The following STK39 variants were observed in gnomAD, a reference collection of about 807,000 sequenced individuals.
STK39 encodes STE20/SPS1-related proline-alanine-rich protein kinase.
A neutral mutation model predicts 77.8 loss-of-function variants in STK39; 20 were observed. The observed-to-expected ratio is 0.26, with a 90% CI of 0.18 to 0.37. The LOEUF is 0.37. STK39 is among the 10% of genes least tolerant of loss of function. The pLI is 1.00. For missense variants in STK39, 479 were observed against 656.5 expected (o/e 0.73, Z 2.95); for synonymous variants, 246 against 234.1 (o/e 1.05, Z -0.47).
At chr2:168,089,090 C>T (rs1004054736) in intron 10 of STK39, among the ~76,000 whole-genome samples, 2 of 152,174 alleles carry the variant, frequency 1.3e-5, no homozygotes, top group Non-Finnish European at 2.9e-5. Flanking sequence ...CCAAGGGTAC[C>T]TCCCTGGGTG....
At chr2:168,065,452 G>A (rs1200743075) in intron 12 of STK39, 71 bp from the exon 13 acceptor site, 2 of 1,477,338 alleles carry the variant, frequency 1.4e-6, no homozygotes, top group Non-Finnish European at 1.9e-6. Context: ...GTTACATTAA[G>A]TCCCAATTAT....
intron 10 of STK39, among the ~76,000 whole-genome samples, chr2:168,122,093 C>T (rs747851928): frequency 2.0e-5 from 3 of 152,082 alleles, no homozygotes; most frequent in Admixed American, 6.5e-5. Flanking sequence ...AGGTAAATTA[C>T]GTGTTGTGGC....
chr2:168,006,281 A>C (rs955365064), intron 16 of STK39, among the ~76,000 whole-genome samples: 1 of 152,206 alleles, frequency 6.6e-6, no homozygotes, highest in Non-Finnish European at 1.5e-5. Context: ...AGCAGGCCAC[A>C]TAACTGCTTA....
intron 10 of STK39, among the ~76,000 whole-genome samples, chr2:168,094,230 A>T (rs563143570): frequency 6.6e-6 from 1 of 152,256 alleles, no homozygotes; most frequent in South Asian, 2.1e-4. Flanking sequence ...GCCAACTTTC[A>T]TTCTTCTCTT....
intron 10 of STK39, among the ~76,000 whole-genome samples, chr2:168,108,694 CTG>C (rs1177274204): frequency 6.6e-6 from 1 of 152,108 alleles, no homozygotes; most frequent in Non-Finnish European, 1.5e-5. Flanking sequence ...GGTAAGAAAT[CTG>C]TACTAAACTC....
intron 16 of STK39, among the ~76,000 whole-genome samples, chr2:167,971,176 T>G (rs1379055215): frequency 1.3e-5 from 2 of 152,086 alleles, no homozygotes; most frequent in Non-Finnish European, 2.9e-5. Context: ...TCTCTCAGAT[T>G]TTGGAGGTCC....
chr2:168,153,860 C>T (rs144409765), intron 5 of STK39, among the ~76,000 whole-genome samples: 136 of 152,224 alleles, frequency 8.9e-4, no homozygotes, highest in African/African-American at 2.9e-3. Context: ...TAAGGCCTCA[C>T]GAGCCACCTT....
chr2:167,985,754 T>C (rs981325091), intron 16 of STK39, among the ~76,000 whole-genome samples: 2 of 152,124 alleles, frequency 1.3e-5, no homozygotes, highest in Non-Finnish European at 2.9e-5. Flanking sequence ...TAAATATTAA[T>C]TTGCATGCAT....
chr2:167,968,217 T>G (rs769198970), intron 16 of STK39, among the ~76,000 whole-genome samples: 1 of 152,228 alleles, frequency 6.6e-6, no homozygotes, highest in African/African-American at 2.4e-5. Flanking sequence ...TGATTCGATA[T>G]CTTTGCTATT....
At chr2:168,058,247 T>C (rs75810572) in intron 14 of STK39, among the ~76,000 whole-genome samples, 2,896 of 152,340 alleles carry the variant, frequency 0.019, 96 homozygotes, top group African/African-American at 0.065. Flanking sequence ...ATTTTGCAAA[T>C]ATACTTGACC....
At chr2:167,959,499 A>C (rs768628134) in intron 17 of STK39, among the ~76,000 whole-genome samples, 9 of 152,072 alleles carry the variant, frequency 5.9e-5, no homozygotes, top group Non-Finnish European at 1.0e-4. Context: ...CAAATATCCG[A>C]GTCTGAAAAA....
chr2:168,092,217 T>C (rs907905215), intron 10 of STK39, among the ~76,000 whole-genome samples: 1 of 152,186 alleles, frequency 6.6e-6, no homozygotes, highest in African/African-American at 2.4e-5. Context: ...TTCACAGGGA[T>C]CAGACACCTG....
Position 168,214,253 on chromosome 2 carries a change from C to A in STK39, c.209-32163G>T, listed in dbSNP as rs201646662. 1.8e-3 allele frequency among the ~76,000 whole-genome samples: 123 copies of A among 69,106 alleles called. 2 individuals are homozygous for A. The East Asian group carries it at 0.053, about 30-fold the overall frequency. The allele number at this position is 69,106 out of a possible 152,430, so 45.3% of individuals were successfully genotyped here. On this transcript the variant is annotated intron_variant, in intron 1 of 17. Coordinates refer to ENST00000355999, the MANE Select transcript of STK39 (RefSeq NM_013233.3). Reference sequence around the variant, plus strand: ...AAGATGTCAAAAATAACAACAACAACAACAAAAAAAAAACACAAGGTCCAC... The same window carrying A: ...AAGATGTCAAAAATAACAACAACAAAAACAAAAAAAAAACACAAGGTCCAC...
At chr2:168,195,351 G>C (rs1285615976) in intron 1 of STK39, among the ~76,000 whole-genome samples, 1 of 152,134 alleles carries the variant, frequency 6.6e-6, no homozygotes, top group Non-Finnish European at 1.5e-5. Flanking sequence ...AGTGAGCCAC[G>C]ATGGCACTAC....
At chr2:168,078,060 A>T (rs747555725) in intron 10 of STK39, among the ~76,000 whole-genome samples, 1 of 152,288 alleles carries the variant, frequency 6.6e-6, no homozygotes, top group African/African-American at 2.4e-5. Flanking sequence ...GAGGTGGTAG[A>T]AAGAATTTAT....
intron 1 of STK39, among the ~76,000 whole-genome samples, chr2:168,186,467 T>A (rs1385287324): frequency 6.6e-6 from 1 of 152,210 alleles, no homozygotes; most frequent in East Asian, 1.9e-4. Context: ...CCTGATTAAG[T>A]CAACAGCAAA....
intron 12 of STK39, among the ~76,000 whole-genome samples, chr2:168,072,778 CTTTAA>C (rs1189677952): frequency 3.9e-5 from 6 of 152,280 alleles, no homozygotes; most frequent in African/African-American, 1.4e-4. Context: ...CAGAGGGACA[CTTTAA>C]TTAAAAGCTG....
intron 10 of STK39, among the ~76,000 whole-genome samples, chr2:168,128,246 C>A (rs1009996606): frequency 6.6e-6 from 1 of 152,176 alleles, no homozygotes. Context: ...GGCTTTTGAA[C>A]AGCTTTCTCA....
At chr2:168,133,780 C>G (rs912075894) in intron 8 of STK39, among the ~76,000 whole-genome samples, 2 of 151,948 alleles carry the variant, frequency 1.3e-5, no homozygotes, top group Non-Finnish European at 2.9e-5. Context: ...ATCACTTGAA[C>G]CCAGGAGGCG....
Sources: gnomAD v4.1 joint callset for allele counts (sites outside exome capture counted in the v4.1 genomes callset) on GRCh38, gnomAD v4.1.1 for gene constraint, MANE v1.5 for transcripts, NCBI Gene and HGNC (gene_info 2026-07-23, HGNC 2026-07-21) for gene names.